Variants in KIAA0825 observed in about 807,000 individuals in gnomAD.
The protein encoded by KIAA0825 is KIAA0825, also known as uncharacterized protein KIAA0825.
In KIAA0825, 119 loss-of-function variants were observed where a neutral mutation model predicts 147.6. The observed-to-expected ratio is 0.81, with a 90% CI of 0.69 to 0.94. KIAA0825 has a LOEUF of 0.94. Among genes scored for constraint, KIAA0825 ranks in the 40% least tolerant of loss-of-function variants. The pLI, the probability that KIAA0825 is intolerant of heterozygous loss-of-function variation, is 0.00. For missense variants in KIAA0825, 1,381 were observed against 1,472.7 expected (o/e 0.94, Z 1.02); for synonymous variants, 470 against 518.1 (o/e 0.91, Z 1.26).
intron 20 of KIAA0825, among the ~76,000 whole-genome samples, chr5:94,275,686 C>G (rs1270592103): frequency 1.3e-5 from 2 of 152,126 alleles, no homozygotes; most frequent in African/African-American, 4.8e-5. Flanking sequence ...TAAAAGACAT[C>G]ACTAAATGTT....
chr5:94,217,306 A>C (rs1244550944), intron 20 of KIAA0825, among the ~76,000 whole-genome samples: 1 of 152,224 alleles, frequency 6.6e-6, no homozygotes, highest in Non-Finnish European at 1.5e-5. Flanking sequence ...AAAACTTAGC[A>C]AGAGAGTAAA....
At chr5:94,540,772 G>T (rs939439469) in intron 2 of KIAA0825, among the ~76,000 whole-genome samples, 5 of 152,112 alleles carry the variant, frequency 3.3e-5, no homozygotes, top group African/African-American at 9.7e-5. Flanking sequence ...AAATTATGTG[G>T]GTCAGATATT....
At chr5:94,300,832 C>T (rs1778363884) in intron 20 of KIAA0825, among the ~76,000 whole-genome samples, 1 of 151,978 alleles carries the variant, frequency 6.6e-6, no homozygotes, top group Non-Finnish European at 1.5e-5. Context: ...ACAGGTAGCC[C>T]ATTTTAGGGG....
At chr5:94,176,136 A>G (rs1481857172) in intron 20 of KIAA0825, among the ~76,000 whole-genome samples, 1 of 152,104 alleles carries the variant, frequency 6.6e-6, no homozygotes, top group East Asian at 1.9e-4. Flanking sequence ...TCATGGGGGC[A>G]GATCCCTCAA....
At position 94,348,465 on chromosome 5, in the gene KIAA0825, A is replaced by G. The variant is rs1783257624; in HGVS notation, c.3710+35903T>C. Among the ~76,000 whole-genome samples, 4 of 152,230 alleles carry G rather than the reference A, an allele frequency of 2.6e-5. No individual in the cohort carries two copies. The South Asian group carries it at 8.3e-4, about 31-fold the overall frequency. On this transcript the variant is annotated intron_variant, in intron 20 of 20. Transcript: ENST00000682413. ...CAGATTTCTCAGCAGAAACCCTGCAAGCTAGAAGGGACTGGGGCCCTATCT... is the reference window on the plus strand; with the variant it reads ...CAGATTTCTCAGCAGAAACCCTGCAGGCTAGAAGGGACTGGGGCCCTATCT...
chr5:94,580,830 C>T (rs1222078082), intron 2 of KIAA0825, among the ~76,000 whole-genome samples: 1 of 31,984 alleles, frequency 3.1e-5, no homozygotes, highest in Non-Finnish European at 5.5e-5. Flanking sequence ...GAGCCGAGAT[C>T]CCGCCACTGC....
intron 20 of KIAA0825, among the ~76,000 whole-genome samples, chr5:94,376,937 A>G (rs949450419): frequency 6.6e-6 from 1 of 152,148 alleles, no homozygotes; most frequent in Non-Finnish European, 1.5e-5. Context: ...AACTATAAAC[A>G]TTGTGTTAAT....
At chr5:94,357,253 G>C (rs1304773288) in intron 20 of KIAA0825, among the ~76,000 whole-genome samples, 1 of 152,046 alleles carries the variant, frequency 6.6e-6, no homozygotes, top group Admixed American at 6.6e-5. Flanking sequence ...CGTTAAAAGT[G>C]GTTTTTCCCC....
At chr5:94,328,079 T>C (rs1490883579) in intron 20 of KIAA0825, among the ~76,000 whole-genome samples, 2 of 152,238 alleles carry the variant, frequency 1.3e-5, no homozygotes, top group African/African-American at 4.8e-5. Flanking sequence ...CTCTGATTTT[T>C]TTCAAGTCAT....
At chr5:94,576,928 T>A (rs547809884) in intron 2 of KIAA0825, among the ~76,000 whole-genome samples, 1 of 152,260 alleles carries the variant, frequency 6.6e-6, no homozygotes, top group East Asian at 1.9e-4. Context: ...TAAAAAAAAA[T>A]TTTGTTCAAT....
intron 20 of KIAA0825, among the ~76,000 whole-genome samples, chr5:94,331,546 A>C (rs932244324): frequency 7.9e-5 from 12 of 152,200 alleles, no homozygotes; most frequent in Non-Finnish European, 1.8e-4. Flanking sequence ...TTAACGAAGA[A>C]ACAATTTACT....
chr5:94,414,170 G>A (rs1753122285), intron 15 of KIAA0825: 1 of 152,120 alleles, frequency 6.6e-6, no homozygotes, highest in South Asian at 2.1e-4. Context: ...TTGGGAGAAA[G>A]TTAAGAAAAC....
chr5:94,498,166 T>C (rs538685922), intron 5 of KIAA0825, among the ~76,000 whole-genome samples: 42 of 152,364 alleles, frequency 2.8e-4, no homozygotes, highest in African/African-American at 1.0e-3. Context: ...CATCAAAGAC[T>C]GGTTTTCAAG....
chr5:94,175,866 AT>A (rs928298255), intron 20 of KIAA0825, among the ~76,000 whole-genome samples: 4 of 152,182 alleles, frequency 2.6e-5, no homozygotes, highest in Admixed American at 1.3e-4. Flanking sequence ...CTTATTTGCC[AT>A]AACCTATAAA....
intron 20 of KIAA0825, among the ~76,000 whole-genome samples, chr5:94,286,526 A>T (rs1161237604): frequency 1.3e-5 from 2 of 152,126 alleles, no homozygotes; most frequent in South Asian, 4.1e-4. Flanking sequence ...CACAAATCAT[A>T]CAGGGAATAA....
At chr5:94,594,209 A>T in intron 1 of KIAA0825, 2 of 585,980 alleles carry the variant, frequency 3.4e-6, no homozygotes, top group Non-Finnish European at 6.8e-6. Flanking sequence ...TTTTATCTTC[A>T]TCTCTAAGTG....
intron 2 of KIAA0825, among the ~76,000 whole-genome samples, chr5:94,563,182 A>T (rs1312486726): frequency 7.9e-6 from 1 of 126,764 alleles, no homozygotes; most frequent in Non-Finnish European, 1.8e-5. Context: ...TCCACTAAAA[A>T]TACCAAAAAA....
intron 20 of KIAA0825, among the ~76,000 whole-genome samples, chr5:94,341,723 A>G (rs1782412080): frequency 6.6e-6 from 1 of 152,166 alleles, no homozygotes; most frequent in African/African-American, 2.4e-5. Context: ...TGCTTTTTCA[A>G]TCTAGTGAAA....
intron 3 of KIAA0825, among the ~76,000 whole-genome samples, chr5:94,530,512 T>C (rs1217519229): frequency 6.6e-6 from 1 of 152,002 alleles, no homozygotes; most frequent in African/African-American, 2.4e-5. Flanking sequence ...CCATCCCAGC[T>C]CCTATTCCAG....
Sources: allele counts gnomAD v4.1 joint callset (sites outside exome capture counted in the v4.1 genomes callset), GRCh38; gene constraint gnomAD v4.1.1; transcripts MANE v1.5; gene names NCBI Gene and HGNC (gene_info 2026-07-23, HGNC 2026-07-21).